The following SLC26A8 variants were observed in gnomAD, a reference collection of about 807,000 sequenced individuals.
The protein encoded by SLC26A8 is testis anion transporter 1.
A neutral mutation model predicts 105.0 loss-of-function variants in SLC26A8; 70 were observed. The ratio of observed to expected loss-of-function variants is 0.67; its 90% CI spans 0.55 to 0.81. SLC26A8 has a LOEUF of 0.81. SLC26A8 is among the 40% of genes least tolerant of loss of function. SLC26A8 has a pLI of 0.00. For synonymous variants in SLC26A8, 415 were observed against 438.3 expected (o/e 0.95, Z 0.66); for missense variants, 998 against 1,181.8 (o/e 0.84, Z 2.28).
rs1369744113 is a variant in SLC26A8 at position 35,959,465 on chromosome 6, G to T, written c.1858C>A (p.Pro620Thr). The T allele has an allele frequency of 2.1e-5, 33 of 1,609,194 alleles. No individual in the cohort carries two copies. The highest frequency in any genetic ancestry group is 2.7e-5 in the Non-Finnish European group (32 of 1,178,676). The change falls in exon 16 of 20, where the codon CCC (proline) becomes ACC (threonine). Residue 620 changes from proline to threonine, a missense_variant. Coordinates refer to ENST00000490799, the MANE Select transcript of SLC26A8 (RefSeq NM_052961.4). The part of the protein sequence containing the change: ...FCNCDDLEPL[P>T]RILYTERFEN... ...AAAGAAAAGGCATTTCTAACCCTGGGCAGCGGCTCCAGATCATCACAGTTG... is the reference window on the plus strand; with the variant it reads ...AAAGAAAAGGCATTTCTAACCCTGGTCAGCGGCTCCAGATCATCACAGTTG...
rs1444863611 is a variant in SLC26A8, at chr6:35,955,218, G to A, written c.2166C>T (p.His722=). The part of the protein sequence containing the change: ...YSDASLLPSV[H]TIILDFSMVH... ...CCATGGAGAAATCCAGGATGATGGTGTGGACACTGGGCAGTAGAGACGCAT... is the reference window on the plus strand; with the variant it reads ...CCATGGAGAAATCCAGGATGATGGTATGGACACTGGGCAGTAGAGACGCAT... The change falls in exon 17 of 20, where the codon CAC becomes CAT. Residue 722 remains histidine (H), a synonymous_variant. Coordinates refer to ENST00000490799, the MANE Select transcript of SLC26A8 (RefSeq NM_052961.4). The A allele has an allele frequency of 3.1e-6, 5 of 1,614,046 alleles. No homozygotes were observed. In the Middle Eastern group the frequency reaches 4.9e-4, roughly 159 times the overall value.
chr6:35,951,540 T>G, intron 17 of SLC26A8, 41 bp from the exon 18 acceptor site: 3 of 1,608,648 alleles, frequency 1.9e-6, no homozygotes, highest in Non-Finnish European at 1.7e-6. Flanking sequence ...GGCTTTATAC[T>G]TGCTAGGAAA....
intron 11 of SLC26A8, among the ~76,000 whole-genome samples, chr6:35,968,394 C>T (rs916910456): frequency 2.2e-4 from 33 of 151,674 alleles, no homozygotes; most frequent in African/African-American, 6.8e-4. Flanking sequence ...ATCTGCCCAG[C>T]TTGGCCTCCC....
intron 1 of SLC26A8, among the ~76,000 whole-genome samples, chr6:36,021,802 G>T (rs1762132646): frequency 6.6e-6 from 1 of 151,748 alleles, no homozygotes; most frequent in Admixed American, 6.6e-5. Context: ...TTTATTTTTT[G>T]ATATAGAGTC....
intron 9 of SLC26A8, among the ~76,000 whole-genome samples, chr6:35,976,244 T>C (rs1019570096): frequency 6.6e-6 from 1 of 151,688 alleles, no homozygotes; most frequent in Non-Finnish European, 1.5e-5. Flanking sequence ...GCCAACGTGG[T>C]GAAACCCCAT....
chr6:35,960,455 A>G, intron 14 of SLC26A8: 1 of 193,442 alleles, frequency 5.2e-6, no homozygotes, highest in South Asian at 1.1e-4. Flanking sequence ...CAGGAGTCCA[A>G]GACCAGCCTG....
rs11364963 is a variant in SLC26A8 at position 35,953,013 on chromosome 6, CAA to C, written c.2233-1516_2233-1515del. 6.6e-3 allele frequency among the ~76,000 whole-genome samples: 417 copies of C among 63,664 alleles called. 1 individual carries two copies. The highest frequency in any genetic ancestry group is 0.024 in the African/African-American group (390 of 16,282). The allele number at this position is 63,664 out of a possible 152,430, so 41.8% of individuals were successfully genotyped here. A position where few individuals can be genotyped will look rare whatever the true frequency, so the allele number is the denominator to read the frequency against. ...TGGGCGACACAGCAAGATGCTGTCT[CAA>C]AAAAAAAAAAAAAAAAAAAAAATGG... On this transcript the variant is annotated intron_variant, in intron 17 of 19. Transcript: ENST00000490799.
At chr6:35,975,828 G>A (rs1298823196) in intron 9 of SLC26A8, among the ~76,000 whole-genome samples, 3 of 148,386 alleles carry the variant, frequency 2.0e-5, no homozygotes, top group East Asian at 2.0e-4. Context: ...CAGGAGAATC[G>A]CTTGAACCTG....
At chr6:35,999,187 C>G (rs765833053) in intron 4 of SLC26A8, among the ~76,000 whole-genome samples, 1 of 152,174 alleles carries the variant, frequency 6.6e-6, no homozygotes, top group Non-Finnish European at 1.5e-5. Context: ...AGCCACCGTA[C>G]CTGGCCAAGC....
At chr6:35,962,752 C>A (rs1772365432) in intron 11 of SLC26A8, 131 bp from the exon 12 acceptor site, 2 of 713,396 alleles carry the variant, frequency 2.8e-6, no homozygotes, top group Non-Finnish European at 2.4e-6. Context: ...ATATGAATAC[C>A]ATGTCTATGT....
intron 16 of SLC26A8, 37 bp from the exon 17 acceptor site, chr6:35,955,557 C>A (rs1772029765): frequency 6.2e-7 from 1 of 1,601,416 alleles, no homozygotes; most frequent in South Asian, 1.1e-5. Context: ...TGTGGTAAGA[C>A]ACCAACAAGG....
intron 8 of SLC26A8, 99 bp downstream of exon 8, chr6:35,982,022 A>G (rs75007513): frequency 0.023 from 29,365 of 1,280,226 alleles, 421 homozygotes; most frequent in Non-Finnish European, 0.027. Context: ...TGCTTTGGCC[A>G]GAGACTGCTA....
chr6:35,976,761 GTCTTGA>G (rs1385788963), intron 9 of SLC26A8, among the ~76,000 whole-genome samples: 1 of 151,830 alleles, frequency 6.6e-6, no homozygotes, highest in Non-Finnish European at 1.5e-5. Flanking sequence ...AGCCAGGATG[GTCTTGA>G]TCTCCTGACC....
At position 35,943,697 on chromosome 6, in the gene SLC26A8, G is replaced by T; in HGVS notation, c.*203C>A. ...GAGGGGAGCCTGGATAGGGAATTCA[G>T]AGATAATTGTTGGCATTTAGTAATG... On this transcript the variant is annotated 3_prime_UTR_variant, in exon 20 of 20. Transcript: ENST00000490799. 1 of 680,840 alleles carries T rather than the reference G, an allele frequency of 1.5e-6. No individual in the cohort carries two copies. The highest frequency in any genetic ancestry group is 2.3e-6 in the Non-Finnish European group (1 of 425,788). The allele number at this position is 680,840 out of a possible 1,614,324, so 42.2% of individuals were successfully genotyped here.
At position 36,003,818 on chromosome 6, in the gene SLC26A8, C is replaced by T. The variant is rs199745529; in HGVS notation, c.329-3710G>A. On this transcript the variant is annotated intron_variant, in intron 3 of 19. Transcript: ENST00000490799. The stretch of plus-strand genomic sequence containing the variant: ...CTGGGATTACAGGTGCCTGCCACCA[C>T]GCCCAGCTAATTTTTTGTATTTTTA... Among the ~76,000 whole-genome samples, 284 of 150,256 alleles carry T rather than the reference C, an allele frequency of 1.9e-3. 4 individuals carry two copies. The South Asian group carries it at 0.038, about 20-fold the overall frequency.
chr6:35,990,959 G>A (rs1355953695), intron 7 of SLC26A8, among the ~76,000 whole-genome samples: 1 of 152,152 alleles, frequency 6.6e-6, no homozygotes, highest in African/African-American at 2.4e-5. Flanking sequence ...AAAGTACTTG[G>A]AGAATAAGCA....
intron 19 of SLC26A8, among the ~76,000 whole-genome samples, chr6:35,950,034 T>C (rs1319700947): frequency 6.6e-6 from 1 of 152,134 alleles, no homozygotes; most frequent in East Asian, 1.9e-4. Context: ...CCTGACCTAG[T>C]GATTCGCCTG....
At chr6:35,961,566 T>C (rs1772308553) in intron 12 of SLC26A8, among the ~76,000 whole-genome samples, 1 of 152,192 alleles carries the variant, frequency 6.6e-6, no homozygotes, top group African/African-American at 2.4e-5. Flanking sequence ...AAATATATAT[T>C]TTCCTCACCA....
At chr6:35,998,015 C>G in intron 4 of SLC26A8, 96 bp from the exon 5 acceptor site, 3 of 1,161,642 alleles carry the variant, frequency 2.6e-6, no homozygotes, top group Non-Finnish European at 3.7e-6. Context: ...GATTGTCCTT[C>G]AACTGAATAA....
Sources: gnomAD v4.1 joint callset for allele counts (sites outside exome capture counted in the v4.1 genomes callset) on GRCh38, gnomAD v4.1.1 for gene constraint, MANE v1.5 for transcripts, NCBI Gene and HGNC (gene_info 2026-07-23, HGNC 2026-07-21) for gene names.